TMIGD3: variants seen among roughly 807,000 people sequenced by gnomAD.
TMIGD3 encodes transmembrane and immunoglobulin domain containing 3.
In TMIGD3, 21 loss-of-function variants were observed where a neutral mutation model predicts 28.1. The ratio of observed to expected loss-of-function variants is 0.75; its 90% CI spans 0.53 to 1.08. The LOEUF is 1.08. TMIGD3 is among the 50% of genes least tolerant of loss of function. The pLI is 0.00. For missense variants in TMIGD3, 416 were observed against 435.6 expected, an observed-to-expected ratio of 0.96 and a Z score of 0.40; for synonymous variants, 151 against 162.1, an observed-to-expected ratio of 0.93 and a Z score of 0.52.
intron 1 of TMIGD3, among the ~76,000 whole-genome samples, chr1:111,558,369 T>C (rs1309991602): frequency 6.6e-6 from 1 of 151,900 alleles, no homozygotes; most frequent in Non-Finnish European, 1.5e-5. Context: ...TTTTTTTGTC[T>C]TAAGACAGGG....
chr1:111,514,549 C>G (rs1557831116), intron 1 of TMIGD3, among the ~76,000 whole-genome samples: 3 of 151,490 alleles, frequency 2.0e-5, no homozygotes, highest in Non-Finnish European at 4.4e-5. Context: ...AGGATGAGAC[C>G]TTGACTTAAA....
intron 1 of TMIGD3, among the ~76,000 whole-genome samples, chr1:111,527,704 G>C (rs972238892): frequency 5.3e-5 from 8 of 152,128 alleles, no homozygotes; most frequent in Non-Finnish European, 1.2e-4. Flanking sequence ...CATTCTAATA[G>C]TTGTGTAGTG....
At chr1:111,535,412 A>T (rs547093631) in intron 1 of TMIGD3, among the ~76,000 whole-genome samples, 49 of 152,336 alleles carry the variant, frequency 3.2e-4, no homozygotes, top group South Asian at 8.3e-4. Context: ...ATCTGATTAG[A>T]TGCTGTAAGC....
intron 1 of TMIGD3, among the ~76,000 whole-genome samples, chr1:111,543,885 G>A (rs1482098292): frequency 6.6e-6 from 1 of 152,184 alleles, no homozygotes; most frequent in Non-Finnish European, 1.5e-5. Context: ...TTCTCAGAGA[G>A]AGAGTAGACA....
chr1:111,507,686 C>T (rs1655556860), upstream of TMIGD3, among the ~76,000 whole-genome samples: 1 of 152,220 alleles, frequency 6.6e-6, no homozygotes, highest in African/African-American at 2.4e-5. Flanking sequence ...GGGGCTTCTG[C>T]CCAAGGCTGT....
At position 111,483,502 on chromosome 1, in the gene TMIGD3, T is replaced by G. The variant is rs1011408998; in HGVS notation, c.*185A>C. ...TTATTTGAGGGCAGCCTTGCTTGGG[T>G]GTGGTCTATCATAGCTCCTCTGACT... On this transcript the variant is annotated 3_prime_UTR_variant, in exon 6 of 6. Coordinates refer to ENST00000369716, the MANE Select transcript of TMIGD3 (RefSeq NM_020683.7). 5 of 602,824 alleles carry G rather than the reference T, an allele frequency of 8.3e-6. No homozygotes were observed. The East Asian group carries it at 1.5e-4, about 18-fold the overall frequency. The allele number at this position is 602,824 out of a possible 1,614,324, so 37.3% of individuals were successfully genotyped here.
chr1:111,502,231 AAT>A lies in TMIGD3; in HGVS notation c.350+772_350+773del, dbSNP rs1352318283. On this transcript the variant is annotated intron_variant, in intron 1 of 5. Coordinates refer to ENST00000369716, the MANE Select transcript of TMIGD3 (RefSeq NM_020683.7). ...TATAGGATATATATTTATTATAATG[AAT>A]ATATAGGATATATTTATTATAATAA... 1.4e-4 allele frequency among the ~76,000 whole-genome samples: 3 copies of A among 21,642 alleles called. No homozygotes were observed. The East Asian group carries it at 2.4e-3, about 17-fold the overall frequency. The allele number at this position is 21,642 out of a possible 152,430, so 14.2% of individuals were successfully genotyped here.
intron 1 of TMIGD3, among the ~76,000 whole-genome samples, chr1:111,551,766 G>GTT (rs56257032): frequency 2.7e-5 from 4 of 149,158 alleles, no homozygotes; most frequent in Admixed American, 1.3e-4. Context: ...GTTTTGTTTT[G>GTT]TTTTTTTGAG....
At chr1:111,507,685 G>A (rs961691467), upstream of TMIGD3, among the ~76,000 whole-genome samples, 2 of 152,228 alleles carry the variant, frequency 1.3e-5, no homozygotes, top group African/African-American at 2.4e-5. Context: ...TGGGGCTTCT[G>A]CCCAAGGCTG....
At chr1:111,500,383 T>G in intron 1 of TMIGD3, 1 of 1,614,136 alleles carries the variant, frequency 6.2e-7, no homozygotes, top group Non-Finnish European at 8.5e-7. Flanking sequence ...TACCATGTAG[T>G]CCATTCTCAT....
chr1:111,502,882 T>A (rs1655313725), intron 1 of TMIGD3, 123 bp downstream of exon 1: 1 of 1,226,552 alleles, frequency 8.2e-7, no homozygotes, highest in African/African-American at 1.5e-5. Flanking sequence ...AAGACACTTA[T>A]TGCCCTCTTT....
intron 1 of TMIGD3, among the ~76,000 whole-genome samples, chr1:111,513,614 A>C (rs1006261556): frequency 2.0e-5 from 3 of 152,172 alleles, no homozygotes; most frequent in African/African-American, 7.2e-5. Flanking sequence ...CTCTAAGATA[A>C]GTCAACTGGC....
chr1:111,486,042 G>A (rs141654963), intron 4 of TMIGD3, among the ~76,000 whole-genome samples: 126 of 152,200 alleles, frequency 8.3e-4, no homozygotes, highest in African/African-American at 2.8e-3. Flanking sequence ...GACTAAGCTG[G>A]GCCAATGAAC....
In TMIGD3 at chr1:111,516,376, TCAG is replaced by T. The variant is rs142545035; in HGVS notation, c.108-25617_108-25615del. On this transcript the variant is annotated intron_variant, in intron 1 of 5. Coordinates refer to the TMIGD3 transcript ENST00000369717. ...GACGTCAGAAAAGCCCAAAAGCAAA[TCAG>T]CAGAGGCCGGGCTTGGAGCACATCT... 8.6e-3 allele frequency among the ~76,000 whole-genome samples: 1,310 copies of T among 152,218 alleles called. 18 individuals are homozygous for T. Among genetic ancestry groups the T allele is most frequent in the African/African-American group, 0.03 (1,246 of 41,534 alleles).
At position 111,485,711 on chromosome 1, in the gene TMIGD3, C is replaced by T. The variant is rs775631420; in HGVS notation, c.973+29G>A. 20 of 1,071,056 alleles carry T rather than the reference C, an allele frequency of 1.9e-5. 3 individuals carry two copies. The highest frequency in any genetic ancestry group is 6.1e-5 in the Admixed American group (3 of 48,928). 66.3% of individuals were successfully genotyped at this position (1,071,056 alleles called of 1,614,324 possible). On this transcript the variant is annotated intron_variant, in intron 5 of 5. Transcript: ENST00000369716. ...TCTTTCATTTTCTCTAATTCTTGCCCACCCCCTCCCTCAACAATAGCTACT... is the reference window on the plus strand; with the variant it reads ...TCTTTCATTTTCTCTAATTCTTGCCTACCCCCTCCCTCAACAATAGCTACT...
At chr1:111,532,692 C>T (rs1301210328) in intron 1 of TMIGD3, among the ~76,000 whole-genome samples, 3 of 152,074 alleles carry the variant, frequency 2.0e-5, no homozygotes, top group Non-Finnish European at 4.4e-5. Context: ...GTAAAAGTGC[C>T]CCCTGTGAGC....
upstream of TMIGD3, among the ~76,000 whole-genome samples, chr1:111,507,921 G>A (rs573007446): frequency 1.3e-5 from 2 of 152,334 alleles, no homozygotes; most frequent in African/African-American, 4.8e-5. Flanking sequence ...TCAAGCCCCG[G>A]GGGTCAGGCT....
intron 1 of TMIGD3, among the ~76,000 whole-genome samples, chr1:111,517,034 C>G (rs977185724): frequency 4.6e-5 from 7 of 152,174 alleles, no homozygotes; most frequent in Non-Finnish European, 7.4e-5. Context: ...TATTATGGCC[C>G]CATCCCACAC....
intron 1 of TMIGD3, among the ~76,000 whole-genome samples, chr1:111,520,798 T>A (rs1304834060): frequency 6.6e-6 from 1 of 152,262 alleles, no homozygotes; most frequent in Admixed American, 6.5e-5. Context: ...TGTGTGCTGG[T>A]AGGTAGTAAT....
Sources: allele counts gnomAD v4.1 joint callset (sites outside exome capture counted in the v4.1 genomes callset), GRCh38; gene constraint gnomAD v4.1.1; transcripts MANE v1.5; gene names NCBI Gene and HGNC (gene_info 2026-07-23, HGNC 2026-07-21).